SLC20A2: variants seen among roughly 807,000 people sequenced by gnomAD.
The protein encoded by SLC20A2 is solute carrier family 20 member 2, also known as sodium-dependent phosphate transporter 2.
SLC20A2 carries 30 observed loss-of-function variants against 61.0 expected under a neutral mutation model. That is an observed-to-expected ratio of 0.49 (90% CI 0.37 to 0.67). The LOEUF (loss-of-function observed/expected upper bound fraction) is 0.67, where lower values mean the gene tolerates loss of function less well. Among genes scored for constraint, SLC20A2 ranks in the 30% least tolerant of loss-of-function variants. The probability of loss-of-function intolerance (pLI) is 0.00; values close to 1 mark genes in which losing one functional copy is unlikely to be tolerated. For missense variants in SLC20A2, 626 were observed against 866.4 expected (o/e 0.72, Z 3.48); for synonymous variants, 351 against 353.3 (o/e 0.99, Z 0.07).
At chr8:42,460,098 A>C in intron 4 of SLC20A2, 106 bp from the exon 5 acceptor site, 6 of 658,228 alleles carry the variant, frequency 9.1e-6, no homozygotes, top group Non-Finnish European at 1.6e-5. Flanking sequence ...CTCTTCCCAA[A>C]CCCCAGTGTG....
chr8:42,537,370 CAA>C lies in SLC20A2; in HGVS notation c.-265+4449_-265+4450del, dbSNP rs34392956. ...CGGGCGACAGAGTGAGACCCTGTCT[CAA>C]AAAAAAAAAAAAAAAAAAAGATTCC... On this transcript the variant is annotated intron_variant, in intron 1 of 10. Coordinates refer to the SLC20A2 transcript ENST00000342228. Among the ~76,000 whole-genome samples the C allele has an allele frequency of 5.9e-3, 504 of 86,146 alleles. 3 individuals carry two copies. Among genetic ancestry groups the C allele is most frequent in the Non-Finnish European group, 7.3e-3 (318 of 43,512 alleles). The allele number at this position is 86,146 out of a possible 152,430, so 56.5% of individuals were successfully genotyped here.
At chr8:42,495,288 C>T (rs988597937) in intron 1 of SLC20A2, among the ~76,000 whole-genome samples, 3 of 152,106 alleles carry the variant, frequency 2.0e-5, no homozygotes, top group African/African-American at 7.2e-5. Context: ...ATGAAAATAG[C>T]TTTTTGGCTG....
At chr8:42,466,576 T>C (rs1177529327) in intron 2 of SLC20A2, among the ~76,000 whole-genome samples, 1 of 152,258 alleles carries the variant, frequency 6.6e-6, no homozygotes, top group Non-Finnish European at 1.5e-5. Context: ...GTTGTAGTTC[T>C]GCCTTACAGT....
chr8:42,504,934 G>A (rs925865504), upstream of SLC20A2, among the ~76,000 whole-genome samples: 2 of 138,030 alleles, frequency 1.4e-5, no homozygotes, highest in Admixed American at 1.5e-4. Context: ...ATACAGAGAT[G>A]AAAGACAAGG....
At chr8:42,418,063 C>A in intron 10 of SLC20A2, 96 bp from the exon 11 acceptor site, 2 of 919,046 alleles carry the variant, frequency 2.2e-6, no homozygotes, top group Non-Finnish European at 3.3e-6. Flanking sequence ...AGCTCTAGTA[C>A]AACATTACCC....
intron 6 of SLC20A2, 59 bp from the exon 7 acceptor site, chr8:42,439,712 G>T: frequency 8.0e-7 from 1 of 1,247,640 alleles, no homozygotes; most frequent in Non-Finnish European, 1.2e-6. Context: ...ATTGAAACAT[G>T]AATATTAAAA....
At chr8:42,497,893 G>C (rs547771384) in intron 1 of SLC20A2, among the ~76,000 whole-genome samples, 1 of 152,136 alleles carries the variant, frequency 6.6e-6, no homozygotes, top group South Asian at 2.1e-4. Flanking sequence ...CTTCCTATCA[G>C]CCCTTCTTCT....
In SLC20A2 at chr8:42,471,965, AAG is replaced by A. The variant is rs1241488952; in HGVS notation, c.289+135_289+136del. ...AAATTAATATGCAGAAAGCAAAAAT[AAG>A]AGAGTAAATGTGAAACATCCAACCA... On this transcript the variant is annotated intron_variant, in intron 2 of 10. Coordinates refer to ENST00000520262, the MANE Select transcript of SLC20A2 (RefSeq NM_001257180.2). The A allele has an allele frequency of 7.0e-6, 5 of 712,650 alleles. No individual in the cohort carries two copies. In the East Asian group the frequency reaches 1.0e-4, roughly 14 times the overall value. 44.1% of individuals were successfully genotyped at this position (712,650 alleles called of 1,614,324 possible). A position where few individuals can be genotyped will look rare whatever the true frequency, so the allele number is the denominator to read the frequency against.
chr8:42,420,903 T>C (rs1384865120), intron 10 of SLC20A2, among the ~76,000 whole-genome samples: 1 of 152,240 alleles, frequency 6.6e-6, no homozygotes, highest in East Asian at 1.9e-4. Flanking sequence ...GACTTTTGTT[T>C]CCTTATATGA....
intron 8 of SLC20A2, among the ~76,000 whole-genome samples, chr8:42,435,159 G>C (rs1443756205): frequency 6.6e-6 from 1 of 152,154 alleles, no homozygotes; most frequent in African/African-American, 2.4e-5. Flanking sequence ...CTGTCTCCAA[G>C]AAAATACCAA....
intron 1 of SLC20A2, among the ~76,000 whole-genome samples, chr8:42,489,228 C>A (rs546666646): frequency 6.6e-6 from 1 of 152,094 alleles, no homozygotes; most frequent in Non-Finnish European, 1.5e-5. Flanking sequence ...CATGAGCCAC[C>A]GCGCTTGGCC....
chr8:42,469,738 A>G (rs1266734866), intron 2 of SLC20A2, among the ~76,000 whole-genome samples: 1 of 151,556 alleles, frequency 6.6e-6, no homozygotes, highest in Non-Finnish European at 1.5e-5. Context: ...GACCAGCCTG[A>G]CTAACATGGT....
chr8:42,437,532 G>T lies in SLC20A2; in HGVS notation c.980C>A (p.Ser327Tyr). 1 of 1,614,044 alleles carries T rather than the reference G, an allele frequency of 6.2e-7. No individual in the cohort carries two copies. Among genetic ancestry groups the T allele is most frequent in the Non-Finnish European group, 8.5e-7 (1 of 1,179,980 alleles). ...MTHGSVKSPI[S>Y]NGTFGFDGHT... ...GCCGTCGAAGCCGAAGGTGCCGTTG[G>T]AGATGGGCGATTTCACAGAGCCATG... The change falls in exon 8 of 11, where the codon TCC becomes TAC. Residue 327 changes from serine to tyrosine, a missense_variant. Coordinates refer to ENST00000520262, the MANE Select transcript of SLC20A2 (RefSeq NM_001257180.2). This position sits in a 1 kb window ranked among gnomAD's most constrained non-coding sequence, Gnocchi z 6.4.
At chr8:42,498,159 T>C (rs754777633) in intron 1 of SLC20A2, among the ~76,000 whole-genome samples, 1 of 152,154 alleles carries the variant, frequency 6.6e-6, no homozygotes, top group Non-Finnish European at 1.5e-5. Context: ...TTATAACAAG[T>C]TTACCCCCTC....
chr8:42,424,290 G>A (rs569860407), intron 10 of SLC20A2, among the ~76,000 whole-genome samples: 8 of 150,886 alleles, frequency 5.3e-5, no homozygotes, highest in African/African-American at 1.5e-4. Context: ...TTTCAAAACC[G>A]GTTTCTGTGT....
chr8:42,450,573 G>C (rs1443909177), intron 5 of SLC20A2, among the ~76,000 whole-genome samples: 1 of 151,524 alleles, frequency 6.6e-6, no homozygotes, highest in East Asian at 1.9e-4. Flanking sequence ...GCCCAGGCTG[G>C]AATGCAGTGG....
chr8:42,445,185 G>A (rs548123830), intron 5 of SLC20A2, among the ~76,000 whole-genome samples: 7 of 152,110 alleles, frequency 4.6e-5, no homozygotes, highest in East Asian at 1.9e-4. Context: ...CCAGCTACTC[G>A]GGAGGCTGAG....
At chr8:42,533,989 A>G (rs564922828) in intron 1 of SLC20A2, among the ~76,000 whole-genome samples, 1 of 151,890 alleles carries the variant, frequency 6.6e-6, no homozygotes, top group African/African-American at 2.4e-5. Context: ...TAGCATTTGA[A>G]GAAATCCCTG....
At chr8:42,513,834 C>A (rs1369778701) in intron 1 of SLC20A2, among the ~76,000 whole-genome samples, 1 of 151,916 alleles carries the variant, frequency 6.6e-6, no homozygotes, top group Non-Finnish European at 1.5e-5. Flanking sequence ...GGAGATTTTG[C>A]GATGGAAATA....
Sources: allele counts gnomAD v4.1 joint callset (sites outside exome capture counted in the v4.1 genomes callset), GRCh38; gene constraint gnomAD v4.1.1; non-coding constraint Gnocchi (gnomAD v3.1); transcripts MANE v1.5; gene names NCBI Gene and HGNC (gene_info 2026-07-23, HGNC 2026-07-21).